DACH2: variants seen among roughly 807,000 people sequenced by gnomAD.
DACH2 encodes the protein dachshund family transcription factor 2.
DACH2 carries 17 observed loss-of-function variants against 35.8 expected under a neutral mutation model. That is an observed-to-expected ratio of 0.48 (90% CI 0.33 to 0.71). The LOEUF (loss-of-function observed/expected upper bound fraction) is 0.71. Ranked by LOEUF, DACH2 falls within the 30% of genes least tolerant of loss-of-function variation. The pLI is 0.02. For synonymous variants in DACH2, 195 were observed against 177.3 expected, an observed-to-expected ratio of 1.10 and a Z score of -0.79; for missense variants, 469 against 472.7, an observed-to-expected ratio of 0.99 and a Z score of 0.07.
At position 86,313,787 on chromosome X, in the gene DACH2, C is replaced by G. The variant is rs186334391; in HGVS notation, c.489-63037C>G. 4.0e-3 allele frequency among the ~76,000 whole-genome samples: 442 copies of G among 111,630 alleles called. 6 individuals carry two copies. The highest frequency in any genetic ancestry group is 5.6e-3 in the Non-Finnish European group (296 of 53,182). ...ACATACCTCATTTTATTGGACTTCACTTTATTGTGCTTCTCAGGCATTTCC... is the reference window on the plus strand; with the variant it reads ...ACATACCTCATTTTATTGGACTTCAGTTTATTGTGCTTCTCAGGCATTTCC... On this transcript the variant is annotated intron_variant, in intron 1 of 11. Transcript: ENST00000373125.
At chrX:86,388,851 C>T (rs1008479658) in intron 2 of DACH2, among the ~76,000 whole-genome samples, 2 of 111,497 alleles carry the variant, frequency 1.8e-5, no homozygotes, top group African/African-American at 3.3e-5. Flanking sequence ...AGGTGTTGGT[C>T]GGAGTCAGAA....
At chrX:86,667,865 T>A (rs1024599446) in intron 4 of DACH2, among the ~76,000 whole-genome samples, 3 of 112,053 alleles carry the variant, frequency 2.7e-5, no homozygotes, top group Non-Finnish European at 5.6e-5. Flanking sequence ...TTTGGACTAC[T>A]TGAAACAAAC....
intron 1 of DACH2, among the ~76,000 whole-genome samples, chrX:86,182,535 G>A (rs777963877): frequency 4.6e-4 from 50 of 109,841 alleles, no homozygotes; most frequent in African/African-American, 1.4e-3. Context: ...GTTCTGTTCC[G>A]TTGGTCTACA....
intron 2 of DACH2, among the ~76,000 whole-genome samples, chrX:86,377,776 T>C (rs2035990976): frequency 9.1e-6 from 1 of 110,482 alleles, no homozygotes. Context: ...GACTATACCA[T>C]GGATTTATCC....
At chrX:86,346,942 A>G (rs928639832) in intron 1 of DACH2, among the ~76,000 whole-genome samples, 2 of 111,759 alleles carry the variant, frequency 1.8e-5, no homozygotes, top group Non-Finnish European at 3.8e-5. Flanking sequence ...ATGCTCTAAA[A>G]GTTTAGTGCT....
At chrX:86,405,083 C>T (rs1030675430) in intron 2 of DACH2, among the ~76,000 whole-genome samples, 1 of 111,267 alleles carries the variant, frequency 9.0e-6, no homozygotes, top group East Asian at 2.9e-4. Flanking sequence ...CTGGACCTGG[C>T]CCAGGTGACC....
At chrX:86,669,257 G>C (rs971008364) in intron 4 of DACH2, among the ~76,000 whole-genome samples, 1 of 110,537 alleles carries the variant, frequency 9.0e-6, no homozygotes, top group Non-Finnish European at 1.9e-5. Flanking sequence ...ATTGATAATA[G>C]TAAGAATGAT....
At chrX:86,632,124 A>T (rs979245460) in intron 3 of DACH2, among the ~76,000 whole-genome samples, 9 of 111,605 alleles carry the variant, frequency 8.1e-5, no homozygotes, top group Non-Finnish European at 1.5e-4. Flanking sequence ...TCAGTGACAT[A>T]TAAAGTATCT....
intron 3 of DACH2, among the ~76,000 whole-genome samples, chrX:86,555,281 A>G (rs1456690539): frequency 3.6e-5 from 4 of 111,871 alleles, no homozygotes; most frequent in African/African-American, 1.3e-4. Context: ...TAAATGTAAA[A>G]GTAATGAGTT....
intron 2 of DACH2, among the ~76,000 whole-genome samples, chrX:86,450,333 C>T (rs1457692515): frequency 9.0e-6 from 1 of 111,386 alleles, no homozygotes; most frequent in Non-Finnish European, 1.9e-5. Context: ...GTTTGGTTTT[C>T]TCTTCCTGCA....
chrX:86,356,226 G>A (rs1398945434), intron 1 of DACH2, among the ~76,000 whole-genome samples: 3 of 111,248 alleles, frequency 2.7e-5, no homozygotes, highest in Non-Finnish European at 5.7e-5. Context: ...AAAGAAAGGG[G>A]TCCAATTTCA....
At chrX:86,197,320 C>G (rs760774857) in intron 1 of DACH2, among the ~76,000 whole-genome samples, 6 of 111,817 alleles carry the variant, frequency 5.4e-5, no homozygotes, top group Non-Finnish European at 1.1e-4. Context: ...CTGGAGTACA[C>G]AGACCAGTGA....
chrX:86,662,553 G>A (rs1293467303), intron 4 of DACH2, among the ~76,000 whole-genome samples: 2 of 109,327 alleles, frequency 1.8e-5, no homozygotes, highest in Admixed American at 9.7e-5. Flanking sequence ...AGATCACGCC[G>A]CTGCACTCCA....
At chrX:86,316,464 G>T (rs990871566) in intron 1 of DACH2, among the ~76,000 whole-genome samples, 2 of 111,604 alleles carry the variant, frequency 1.8e-5, no homozygotes, top group African/African-American at 6.5e-5. Context: ...TCTTTGAACT[G>T]CATGAGGTTA....
At chrX:86,769,253 G>C (rs1420763557) in intron 7 of DACH2, among the ~76,000 whole-genome samples, 1 of 111,615 alleles carries the variant, frequency 9.0e-6, no homozygotes, top group Non-Finnish European at 1.9e-5. Flanking sequence ...TCTCTGCAAG[G>C]AAAACTACAA....
intron 4 of DACH2, among the ~76,000 whole-genome samples, chrX:86,688,577 T>C (rs973029895): frequency 1.1e-4 from 12 of 112,071 alleles, no homozygotes; most frequent in African/African-American, 3.9e-4. Context: ...ATATTCTCAG[T>C]ACCTGCAAAT....
At chrX:86,427,716 A>C (rs1020884492) in intron 2 of DACH2, among the ~76,000 whole-genome samples, 19 of 112,016 alleles carry the variant, frequency 1.7e-4, no homozygotes, top group African/African-American at 5.8e-4. Flanking sequence ...AAAAGCCTTA[A>C]ATATATAATC....
chrX:86,756,000 C>G (rs952881721), intron 7 of DACH2, among the ~76,000 whole-genome samples: 5 of 111,255 alleles, frequency 4.5e-5, no homozygotes, highest in African/African-American at 1.6e-4. Context: ...GATGTCCTTA[C>G]CCCAATGTAT....
intron 2 of DACH2, among the ~76,000 whole-genome samples, chrX:86,485,830 A>C (rs1015790170): frequency 3.6e-5 from 4 of 111,677 alleles, no homozygotes; most frequent in Admixed American, 2.9e-4. Context: ...TGACTACAGC[A>C]ACAATTAAGC....
Sources: allele counts gnomAD v4.1 joint callset (sites outside exome capture counted in the v4.1 genomes callset), GRCh38; gene constraint gnomAD v4.1.1; transcripts MANE v1.5; gene names NCBI Gene and HGNC (gene_info 2026-07-23, HGNC 2026-07-21).